The following NEK7 variants were observed in gnomAD, a reference collection of about 807,000 sequenced individuals.
The protein encoded by NEK7 is NIMA related kinase 7, also known as serine/threonine-protein kinase Nek7.
NEK7 carries 18 observed loss-of-function variants against 44.6 expected under a neutral mutation model. The observed-to-expected ratio is 0.40, with a 90% CI of 0.28 to 0.60. The LOEUF is 0.60. Ranked by LOEUF, NEK7 falls within the 20% of genes least tolerant of loss-of-function variation. NEK7 has a pLI of 0.38. For synonymous variants in NEK7, 130 were observed against 121.1 expected, an observed-to-expected ratio of 1.07 and a Z score of -0.48; for missense variants, 256 against 366.5, an observed-to-expected ratio of 0.70 and a Z score of 2.46.
At chr1:198,197,721 G>C in intron 1 of NEK7, 1 of 550,158 alleles carries the variant, frequency 1.8e-6, no homozygotes, top group Admixed American at 2.2e-5. Flanking sequence ...TATGGCATCT[G>C]AAGTTCGATG....
chr1:198,165,584 A>G (rs1051357631), intron 1 of NEK7, among the ~76,000 whole-genome samples: 1 of 152,236 alleles, frequency 6.6e-6, no homozygotes, highest in Non-Finnish European at 1.5e-5. Flanking sequence ...TGGGCTTAAA[A>G]TACTCAAAAA....
intron 5 of NEK7, among the ~76,000 whole-genome samples, chr1:198,275,554 G>A (rs955079693): frequency 6.0e-5 from 9 of 150,218 alleles, no homozygotes; most frequent in African/African-American, 2.2e-4. Flanking sequence ...TTTTTCAAGG[G>A]AAACAGGATT....
At chr1:198,264,809 G>A (rs2102952123) in intron 5 of NEK7, among the ~76,000 whole-genome samples, 1 of 146,092 alleles carries the variant, frequency 6.8e-6, no homozygotes, top group South Asian at 2.2e-4. Context: ...TTAAATAATA[G>A]TAGCTTAAAA....
At chr1:198,165,846 T>C (rs185265538) in intron 1 of NEK7, among the ~76,000 whole-genome samples, 127 of 152,360 alleles carry the variant, frequency 8.3e-4, no homozygotes, top group Non-Finnish European at 1.6e-3. Flanking sequence ...GTTTTATCCA[T>C]ATTGGAAATC....
chr1:198,314,992 C>T (rs1326041440), intron 9 of NEK7, among the ~76,000 whole-genome samples: 2 of 152,232 alleles, frequency 1.3e-5, no homozygotes, highest in Non-Finnish European at 2.9e-5. Context: ...CTTTGTTTAC[C>T]TAAGCACGCC....
chr1:198,212,216 G>A (rs529968256), intron 1 of NEK7, among the ~76,000 whole-genome samples: 2 of 152,254 alleles, frequency 1.3e-5, no homozygotes, highest in South Asian at 4.1e-4. Flanking sequence ...GGCTGTAACC[G>A]ATGAGCAAAC....
At position 198,264,651 on chromosome 1, in the gene NEK7, G is replaced by C. The variant is rs115362333; in HGVS notation, c.372+416G>C. Among the ~76,000 whole-genome samples the C allele has an allele frequency of 6.0e-3, 917 of 152,068 alleles. 15 individuals are homozygous for C. Among genetic ancestry groups the C allele is most frequent in the African/African-American group, 0.021 (892 of 41,506 alleles). ...TCAAAGAAAGTGGGATTTGCAGTCA[G>C]ACCTTGGATATCAACCCCACATAAA... On this transcript the variant is annotated intron_variant, in intron 5 of 9. Transcript: ENST00000367385.
At chr1:198,274,730 A>G (rs1653963541) in intron 5 of NEK7, among the ~76,000 whole-genome samples, 1 of 151,724 alleles carries the variant, frequency 6.6e-6, no homozygotes, top group African/African-American at 2.4e-5. Context: ...AAGTTACTCA[A>G]TGGAGTTCAA....
In NEK7 at chr1:198,294,775, T is replaced by TA. The variant is rs1654661533; in HGVS notation, c.684+1739dup. 4.6e-5 allele frequency among the ~76,000 whole-genome samples: 7 copies of TA among 152,302 alleles called. No individual in the cohort carries two copies. The South Asian group carries it at 1.4e-3, about 32-fold the overall frequency. ...ATATGTATTGTGGATGATTTTGAGT[T>TA]AAAGTATTATCATGCTAATGTTAGT... is the stretch of plus-strand genomic sequence containing the variant. On this transcript the variant is annotated intron_variant, in intron 8 of 9. Coordinates refer to ENST00000367385, the MANE Select transcript of NEK7 (RefSeq NM_133494.3).
At chr1:198,231,297 G>GTATATATA (rs1236094292) in intron 1 of NEK7, among the ~76,000 whole-genome samples, 1,657 of 89,258 alleles carry the variant, frequency 0.019, 19 homozygotes, top group South Asian at 0.035. Context: ...GTGTATGTGT[G>GTATATATA]TGTGTATATA....
At chr1:198,193,041 A>C (rs1377331626) in intron 1 of NEK7, among the ~76,000 whole-genome samples, 2 of 151,346 alleles carry the variant, frequency 1.3e-5, no homozygotes, top group Admixed American at 6.6e-5. Flanking sequence ...TTTTTTTTTA[A>C]ACTAATAAAA....
chr1:198,282,678 C>T (rs946512638), intron 7 of NEK7, among the ~76,000 whole-genome samples: 3 of 151,960 alleles, frequency 2.0e-5, no homozygotes, highest in Non-Finnish European at 2.9e-5. Flanking sequence ...TATAAATGTT[C>T]AATTGCTTGT....
chr1:198,182,405 A>G (rs1295451871), intron 1 of NEK7, among the ~76,000 whole-genome samples: 1 of 151,882 alleles, frequency 6.6e-6, no homozygotes, highest in African/African-American at 2.4e-5. Context: ...GGGAGAATGG[A>G]TGTGAATAAA....
At chr1:198,168,400 C>G (rs1443677177) in intron 1 of NEK7, among the ~76,000 whole-genome samples, 1 of 152,140 alleles carries the variant, frequency 6.6e-6, no homozygotes, top group Admixed American at 6.5e-5. Context: ...ATTCCTAGGC[C>G]TTTTTTGTTT....
intron 9 of NEK7, among the ~76,000 whole-genome samples, chr1:198,300,064 C>T (rs1654838752): frequency 6.6e-6 from 1 of 152,138 alleles, no homozygotes; most frequent in South Asian, 2.1e-4. Flanking sequence ...TATTTTATGG[C>T]TGACTTAAAT....
At chr1:198,303,669 C>T (rs1654949719) in intron 9 of NEK7, among the ~76,000 whole-genome samples, 1 of 152,046 alleles carries the variant, frequency 6.6e-6, no homozygotes, top group Non-Finnish European at 1.5e-5. Context: ...TGGAAATTAA[C>T]CACAGTTGTT....
chr1:198,183,317 G>A (rs761239175), intron 1 of NEK7, among the ~76,000 whole-genome samples: 9 of 152,128 alleles, frequency 5.9e-5, no homozygotes, highest in Non-Finnish European at 1.3e-4. Context: ...ACCATTCTGA[G>A]TACCTGCCTG....
chr1:198,226,450 C>A (rs1666227213), intron 1 of NEK7, among the ~76,000 whole-genome samples: 1 of 151,322 alleles, frequency 6.6e-6, no homozygotes, highest in African/African-American at 2.4e-5. Context: ...GAGGTTGAGG[C>A]AGGAGAATGA....
chr1:198,259,709 A>C (rs1653389305), intron 3 of NEK7, among the ~76,000 whole-genome samples: 1 of 152,114 alleles, frequency 6.6e-6, no homozygotes, highest in Non-Finnish European at 1.5e-5. Context: ...TAACATGTTG[A>C]TATAATAATC....
Sources: gnomAD v4.1 joint callset for allele counts (sites outside exome capture counted in the v4.1 genomes callset) on GRCh38, gnomAD v4.1.1 for gene constraint, MANE v1.5 for transcripts, NCBI Gene and HGNC (gene_info 2026-07-23, HGNC 2026-07-21) for gene names.